Variants in PCDH11X observed in about 807,000 individuals in gnomAD.
The protein encoded by PCDH11X is protocadherin-11 X-linked.
In PCDH11X, 18 loss-of-function variants were observed where a neutral mutation model predicts 53.3. The observed-to-expected ratio is 0.34, with a 90% CI of 0.23 to 0.50. The LOEUF (loss-of-function observed/expected upper bound fraction) is 0.50. PCDH11X is among the 20% of genes least tolerant of loss of function. PCDH11X has a pLI of 0.98. For synonymous variants in PCDH11X, 279 were observed against 393.3 expected, an observed-to-expected ratio of 0.71 and a Z score of 3.44; for missense variants, 570 against 1,032.4, an observed-to-expected ratio of 0.55 and a Z score of 6.14.
intron 8 of PCDH11X, among the ~76,000 whole-genome samples, chrX:92,298,388 A>G (rs2068653557): frequency 9.0e-6 from 1 of 111,493 alleles, no homozygotes; most frequent in African/African-American, 3.3e-5. Flanking sequence ...CCCCTTCTGT[A>G]TCTTTTGAGA....
intron 10 of PCDH11X, among the ~76,000 whole-genome samples, chrX:92,555,674 C>T (rs1456255434): frequency 9.0e-6 from 1 of 111,454 alleles, no homozygotes; most frequent in Admixed American, 9.6e-5. Flanking sequence ...TATGAAACAG[C>T]TGCTTGGTAT....
In PCDH11X at chrX:92,157,528, G is replaced by A. The variant is rs144992810; in HGVS notation, c.3034-43847G>A. ...TAAAAGAAAGTTGTTTCAGTACATG[G>A]TGAGTCACTATAAGAAAACGATTTT... is the stretch of plus-strand genomic sequence containing the variant. On this transcript the variant is annotated intron_variant, in intron 6 of 10. Transcript: ENST00000682573. 1.4e-4 allele frequency among the ~76,000 whole-genome samples: 16 copies of A among 111,918 alleles called. No individual in the cohort carries two copies. The East Asian group carries it at 3.7e-3, about 26-fold the overall frequency.
chrX:91,857,812 T>A, intron 5 of PCDH11X, among the ~76,000 whole-genome samples: 1 of 112,036 alleles, frequency 8.9e-6, no homozygotes, highest in African/African-American at 3.2e-5. Context: ...CCTGGCTGAT[T>A]TCATAGGCTG....
intron 9 of PCDH11X, among the ~76,000 whole-genome samples, chrX:92,448,423 G>A (rs1048922535): frequency 1.3e-5 from 1 of 78,557 alleles, no homozygotes; most frequent in African/African-American, 4.9e-5. Flanking sequence ...AGTCTCACAA[G>A]ATCTGATGGT....
chrX:92,604,251 T>C (rs894413138), intron 10 of PCDH11X, among the ~76,000 whole-genome samples: 46 of 109,855 alleles, frequency 4.2e-4, no homozygotes, highest in Non-Finnish European at 8.0e-4. Flanking sequence ...AATACATAAA[T>C]TAATAATTAT....
intron 8 of PCDH11X, among the ~76,000 whole-genome samples, chrX:92,300,624 C>A (rs1214185580): frequency 9.0e-6 from 1 of 110,543 alleles, no homozygotes; most frequent in Non-Finnish European, 1.9e-5. Context: ...ATTACAGGTG[C>A]CTGCCACCAT....
rs1000497426 is a variant in PCDH11X, at chrX:92,382,581, A to T, written c.3145-5154A>T. Among the ~76,000 whole-genome samples, 3 of 111,270 alleles carry T rather than the reference A, an allele frequency of 2.7e-5. No homozygotes were observed. In the Admixed American group the frequency reaches 2.9e-4, roughly 11 times the overall value. On this transcript the variant is annotated intron_variant, in intron 8 of 10. Coordinates refer to ENST00000682573, the MANE Select transcript of PCDH11X (RefSeq NM_032968.5). ...CAAGAATGCTGGGGATTTGATATTT[A>T]GTCTGTAAATGATTTATGTGAATGA...
At chrX:92,293,622 CAA>C (rs10685775) in intron 8 of PCDH11X, among the ~76,000 whole-genome samples, 8 of 55,483 alleles carry the variant, frequency 1.4e-4, no homozygotes, top group Admixed American at 2.2e-4. Context: ...GACTCCGTCT[CAA>C]AAAAAAAAAA....
intron 8 of PCDH11X, among the ~76,000 whole-genome samples, chrX:92,350,924 A>G (rs2148526052): frequency 8.9e-6 from 1 of 111,881 alleles, no homozygotes; most frequent in East Asian, 2.8e-4. Flanking sequence ...CTCATTTGTC[A>G]TGAAATATTT....
intron 6 of PCDH11X, among the ~76,000 whole-genome samples, chrX:92,183,248 C>CTTTTTTTTTTT: frequency 1.9e-5 from 1 of 52,296 alleles, no homozygotes; most frequent in Non-Finnish European, 3.5e-5. Flanking sequence ...CTAGAGAAAC[C>CTTTTTTTTTTT]TTTTTTTTTT....
chrX:92,270,391 T>C (rs1309296088), intron 8 of PCDH11X, among the ~76,000 whole-genome samples: 1 of 112,006 alleles, frequency 8.9e-6, no homozygotes, highest in African/African-American at 3.2e-5. Flanking sequence ...CCCAAAGTGC[T>C]GGGATTACAG....
At chrX:92,292,279 T>C in intron 8 of PCDH11X, among the ~76,000 whole-genome samples, 1 of 112,456 alleles carries the variant, frequency 8.9e-6, no homozygotes, top group African/African-American at 3.2e-5. Flanking sequence ...AGCAGGTATC[T>C]TTTTAAAGAA....
intron 10 of PCDH11X, among the ~76,000 whole-genome samples, chrX:92,593,179 C>T (rs1388245508): frequency 2.3e-4 from 25 of 110,613 alleles, no homozygotes; most frequent in African/African-American, 8.2e-4. Flanking sequence ...TTGCTAGATG[C>T]TTTAAGGTAA....
chrX:92,536,680 C>T (rs1263519028), intron 10 of PCDH11X, among the ~76,000 whole-genome samples: 2 of 61,712 alleles, frequency 3.2e-5, no homozygotes, highest in East Asian at 5.1e-4. Context: ...TTTTTTGAGA[C>T]AGGGTCTTGT....
At chrX:92,191,340 C>T (rs1253594938) in intron 6 of PCDH11X, among the ~76,000 whole-genome samples, 3 of 111,377 alleles carry the variant, frequency 2.7e-5, no homozygotes, top group Non-Finnish European at 3.8e-5. Flanking sequence ...TCAATTTGTT[C>T]TCTGTTCGTC....
At chrX:91,804,180 A>T (rs967856171) in intron 1 of PCDH11X, among the ~76,000 whole-genome samples, 2 of 112,199 alleles carry the variant, frequency 1.8e-5, no homozygotes, top group Non-Finnish European at 3.8e-5. Flanking sequence ...TAAACATTTT[A>T]AAAAATCATC....
chrX:92,539,567 C>T (rs2074722142), intron 10 of PCDH11X, among the ~76,000 whole-genome samples: 1 of 111,663 alleles, frequency 9.0e-6, no homozygotes, highest in South Asian at 3.8e-4. Flanking sequence ...TGAAAGGTCA[C>T]ATGTCCCTGT....
intron 8 of PCDH11X, among the ~76,000 whole-genome samples, chrX:92,274,768 A>G (rs2148432726): frequency 9.0e-6 from 1 of 111,012 alleles, no homozygotes; most frequent in African/African-American, 3.3e-5. Flanking sequence ...CTTGTACTAT[A>G]GCATAGCCTG....
chrX:92,509,649 T>G (rs1383550677), intron 10 of PCDH11X, among the ~76,000 whole-genome samples: 1 of 111,734 alleles, frequency 8.9e-6, no homozygotes, highest in Non-Finnish European at 1.9e-5. Context: ...TTCTGCATTT[T>G]AAGAAGGGCA....
Sources: gnomAD v4.1 joint callset for allele counts (sites outside exome capture counted in the v4.1 genomes callset) on GRCh38, gnomAD v4.1.1 for gene constraint, MANE v1.5 for transcripts, NCBI Gene and HGNC (gene_info 2026-07-23, HGNC 2026-07-21) for gene names.